SLC22A3: variants seen among roughly 807,000 people sequenced by gnomAD.
SLC22A3 encodes the protein solute carrier family 22 member 3.
A neutral mutation model predicts 59.1 loss-of-function variants in SLC22A3; 51 were observed. That is an observed-to-expected ratio of 0.86 (90% confidence interval 0.69 to 1.09). The LOEUF is 1.09. Ranked by LOEUF, SLC22A3 falls within the 50% of genes least tolerant of loss-of-function variation. The pLI, the probability that SLC22A3 is intolerant of heterozygous loss-of-function variation, is 0.00. For synonymous variants in SLC22A3, 325 were observed against 292.0 expected, an observed-to-expected ratio of 1.11 and a Z score of -1.15; for missense variants, 711 against 726.3, an observed-to-expected ratio of 0.98 and a Z score of 0.24.
intron 5 of SLC22A3, among the ~76,000 whole-genome samples, chr6:160,434,413 G>T (rs1420333199): frequency 6.6e-6 from 1 of 152,116 alleles, no homozygotes; most frequent in African/African-American, 2.4e-5. Flanking sequence ...TTCAATTCCT[G>T]GCTGATTTAC....
intron 2 of SLC22A3, among the ~76,000 whole-genome samples, chr6:160,400,984 G>GAAAAAAAAAAAAAAAAAAAAAAA: frequency 2.5e-5 from 2 of 78,524 alleles, no homozygotes; most frequent in South Asian, 4.7e-4. Context: ...CTCCAAAACT[G>GAAAAAAAAAAAAAAAAAAAAAAA]AAAAAAAAAA....
At chr6:160,433,548 A>ACTACTG (rs1400082272) in intron 5 of SLC22A3, among the ~76,000 whole-genome samples, 3 of 151,078 alleles carry the variant, frequency 2.0e-5, no homozygotes, top group African/African-American at 7.3e-5. Flanking sequence ...TACTACTACT[A>ACTACTG]CTGCTACTAA....
Position 160,385,515 on chromosome 6 carries a change from C to T in SLC22A3, c.430-12464C>T, listed in dbSNP as rs1357954235. On this transcript the variant is annotated intron_variant, in intron 1 of 10. Transcript: ENST00000275300. ...AGGAGGTAAGCCCTCCCTTCAGGTG[C>T]TCAGCCCCTCTGACCTCTGTACTGT... is the stretch of plus-strand genomic sequence containing the variant. 1.3e-5 allele frequency among the ~76,000 whole-genome samples: 2 copies of T among 152,160 alleles called. 1 individual carries two copies. Among genetic ancestry groups the T allele is most frequent in the African/African-American group, 4.8e-5 (2 of 41,432 alleles).
chr6:160,428,993 G>T (rs898259747), intron 5 of SLC22A3, among the ~76,000 whole-genome samples: 4 of 152,102 alleles, frequency 2.6e-5, no homozygotes, highest in African/African-American at 7.2e-5. Context: ...GCTGGTCCTC[G>T]TCTGACTAAT....
At chr6:160,426,244 A>T in intron 5 of SLC22A3, 2 of 985,390 alleles carry the variant, frequency 2.0e-6, no homozygotes, top group African/African-American at 1.7e-5. Context: ...GGAAGGCAAA[A>T]TTTGGATATT....
chr6:160,367,827 G>A (rs943360783), intron 1 of SLC22A3, among the ~76,000 whole-genome samples: 1 of 152,140 alleles, frequency 6.6e-6, no homozygotes, highest in Non-Finnish European at 1.5e-5. Flanking sequence ...TGTAGTCGGT[G>A]CCAGCCTCAT....
intron 8 of SLC22A3, 39 bp from the exon 9 acceptor site, chr6:160,443,591 T>C: frequency 2.3e-6 from 3 of 1,331,602 alleles, no homozygotes; most frequent in Non-Finnish European, 3.2e-6. Context: ...AGTCACTTGT[T>C]GAAATAGTTT....
At chr6:160,377,110 C>G (rs367795600) in intron 1 of SLC22A3, among the ~76,000 whole-genome samples, 1 of 152,124 alleles carries the variant, frequency 6.6e-6, no homozygotes, top group African/African-American at 2.4e-5. Context: ...CAAGATCTTT[C>G]CATGGGCAGA....
chr6:160,394,007 G>A (rs1043791806), intron 1 of SLC22A3, among the ~76,000 whole-genome samples: 2 of 152,242 alleles, frequency 1.3e-5, no homozygotes, highest in African/African-American at 4.8e-5. Context: ...TTATCAGACT[G>A]ACTTTCTGCT....
At chr6:160,449,858 G>T (rs1489650835) in intron 10 of SLC22A3, among the ~76,000 whole-genome samples, 1 of 152,144 alleles carries the variant, frequency 6.6e-6, no homozygotes, top group Non-Finnish European at 1.5e-5. Flanking sequence ...CTTAAAGCCA[G>T]CAAGTTTTTA....
intron 2 of SLC22A3, among the ~76,000 whole-genome samples, chr6:160,400,602 A>C (rs1016113960): frequency 1.3e-5 from 2 of 152,072 alleles, no homozygotes; most frequent in Non-Finnish European, 2.9e-5. Flanking sequence ...CCGTTTACCC[A>C]GTACACCATG....
At chr6:160,362,049 C>G (rs1441888068) in intron 1 of SLC22A3, among the ~76,000 whole-genome samples, 3 of 152,162 alleles carry the variant, frequency 2.0e-5, no homozygotes, top group Admixed American at 6.5e-5. Context: ...ATACCTTGAT[C>G]CCCTTAGGAC....
At chr6:160,404,684 G>A (rs370369587) in intron 2 of SLC22A3, among the ~76,000 whole-genome samples, 18 of 152,150 alleles carry the variant, frequency 1.2e-4, no homozygotes, top group Non-Finnish European at 1.9e-4. Flanking sequence ...ACTACTTAAC[G>A]TCAAGACTTA....
rs1787463394 is a variant in SLC22A3, at chr6:160,415,791, A to G, written c.975+4945A>G. Among the ~76,000 whole-genome samples the G allele has an allele frequency of 6.6e-6, 1 of 152,178 alleles. No homozygotes were observed. Among genetic ancestry groups the G allele is most frequent in the South Asian group, 2.1e-4 (1 of 4,832 alleles). ...AAGTCAGCATTTTTCTCTTGTGAAAAGAACCACCTGCCAACCCCAGCCTGT... is the reference window on the plus strand; with the variant it reads ...AAGTCAGCATTTTTCTCTTGTGAAAGGAACCACCTGCCAACCCCAGCCTGT... On this transcript the variant is annotated intron_variant, in intron 5 of 10. Transcript: ENST00000275300. This position sits in a 1 kb window ranked among gnomAD's most constrained non-coding sequence, Gnocchi z 4.1.
intron 5 of SLC22A3, among the ~76,000 whole-genome samples, chr6:160,413,291 G>T (rs185226914): frequency 1.7e-3 from 262 of 152,316 alleles, no homozygotes; most frequent in Middle Eastern, 3.4e-3. Flanking sequence ...ATGACAACAG[G>T]TAAGTAGTTC....
At chr6:160,391,540 A>G (rs1041765092) in intron 1 of SLC22A3, among the ~76,000 whole-genome samples, 8 of 152,200 alleles carry the variant, frequency 5.3e-5, no homozygotes, top group Non-Finnish European at 1.5e-5. Context: ...GAAAATCGCC[A>G]GAGGACACAG....
chr6:160,443,411 C>T (rs1788622884), intron 8 of SLC22A3, among the ~76,000 whole-genome samples: 1 of 152,230 alleles, frequency 6.6e-6, no homozygotes, highest in African/African-American at 2.4e-5. Flanking sequence ...TGATGGATAA[C>T]ACCCTCCACC....
chr6:160,405,929 G>C (rs193140165), intron 2 of SLC22A3, among the ~76,000 whole-genome samples: 2 of 152,132 alleles, frequency 1.3e-5, no homozygotes, highest in African/African-American at 4.8e-5. Flanking sequence ...GGGAGAGGGA[G>C]GGATGAACAG....
intron 7 of SLC22A3, among the ~76,000 whole-genome samples, chr6:160,437,470 G>A (rs947141000): frequency 2.6e-5 from 4 of 152,132 alleles, no homozygotes; most frequent in Non-Finnish European, 4.4e-5. Flanking sequence ...TAGCGATGTG[G>A]TTTCTGTTAC....
Sources: allele counts gnomAD v4.1 joint callset (sites outside exome capture counted in the v4.1 genomes callset), GRCh38; gene constraint gnomAD v4.1.1; non-coding constraint Gnocchi (gnomAD v3.1); transcripts MANE v1.5; gene names NCBI Gene and HGNC (gene_info 2026-07-23, HGNC 2026-07-21).